The following DIAPH2 variants were observed in gnomAD, a reference collection of about 807,000 sequenced individuals.
The protein encoded by DIAPH2 is diaphanous related formin 2, also known as protein diaphanous homolog 2.
Under a neutral mutation model 92.7 loss-of-function variants are expected in DIAPH2, and 35 were observed. That is an observed-to-expected ratio of 0.38 (90% CI 0.29 to 0.50). The LOEUF (loss-of-function observed/expected upper bound fraction) is 0.50, where lower values mean the gene tolerates loss of function less well. Ranked by LOEUF, DIAPH2 falls within the 20% of genes least tolerant of loss-of-function variation. DIAPH2 has a pLI of 0.94. For synonymous variants in DIAPH2, 301 were observed against 280.4 expected (o/e 1.07, Z -0.73); for missense variants, 701 against 819.5 (o/e 0.86, Z 1.77).
chrX:96,891,521 A>C (rs1207632472), intron 5 of DIAPH2, among the ~76,000 whole-genome samples: 1 of 112,024 alleles, frequency 8.9e-6, no homozygotes, highest in Non-Finnish European at 1.9e-5. Context: ...AGAAATGACC[A>C]ATGAGTTTGG....
chrX:97,084,107 GT>G (rs35633077), intron 19 of DIAPH2, among the ~76,000 whole-genome samples: 1 of 106,950 alleles, frequency 9.4e-6, no homozygotes, highest in Non-Finnish European at 1.9e-5. Context: ...TTTTTGTTTT[GT>G]TTTTTTTAAA....
chrX:97,293,489 A>G (rs766854382), intron 23 of DIAPH2, among the ~76,000 whole-genome samples: 38 of 109,807 alleles, frequency 3.5e-4, no homozygotes, highest in South Asian at 7.7e-4. Context: ...CTGACCTCGT[A>G]ATCTGCCCAC....
At chrX:97,032,714 A>T (rs1243753019) in intron 17 of DIAPH2, among the ~76,000 whole-genome samples, 1 of 111,706 alleles carries the variant, frequency 9.0e-6, no homozygotes, top group African/African-American at 3.2e-5. Flanking sequence ...CAAAGAGATT[A>T]TCTCAATTAC....
At chrX:96,858,128 A>G (rs1349438455) in intron 4 of DIAPH2, among the ~76,000 whole-genome samples, 5 of 112,286 alleles carry the variant, frequency 4.5e-5, no homozygotes, top group African/African-American at 6.5e-5. Flanking sequence ...TTAATAATAT[A>G]TTACATATAT....
chrX:97,341,679 T>C (rs2069114812), intron 23 of DIAPH2, among the ~76,000 whole-genome samples: 1 of 110,529 alleles, frequency 9.0e-6, no homozygotes, highest in African/African-American at 3.3e-5. Context: ...CCAGTCCCAG[T>C]CCCTTGGCCC....
chrX:97,304,880 A>G (rs920192803), intron 23 of DIAPH2, among the ~76,000 whole-genome samples: 1 of 112,048 alleles, frequency 8.9e-6, no homozygotes, highest in Non-Finnish European at 1.9e-5. Flanking sequence ...TTGTTTCAAT[A>G]TAAGAAAGGA....
At chrX:97,171,193 C>T (rs971242357) in intron 22 of DIAPH2, among the ~76,000 whole-genome samples, 5 of 112,121 alleles carry the variant, frequency 4.5e-5, no homozygotes, top group Admixed American at 9.5e-5. Flanking sequence ...GATTTTCTCA[C>T]GTAAGAATGT....
intron 19 of DIAPH2, among the ~76,000 whole-genome samples, chrX:97,077,397 G>A (rs1156408060): frequency 8.9e-6 from 1 of 112,363 alleles, no homozygotes; most frequent in Non-Finnish European, 1.9e-5. Flanking sequence ...GTAGCACATC[G>A]ATAATGCATG....
Position 97,442,480 on chromosome X carries a change from T to C in DIAPH2, c.3241+12735T>C, listed in dbSNP as rs187041536. Among the ~76,000 whole-genome samples, 5 of 112,762 alleles carry C rather than the reference T, an allele frequency of 4.4e-5. No homozygotes were observed. The Admixed American group carries it at 4.7e-4, about 11-fold the overall frequency. The stretch of plus-strand genomic sequence containing the variant: ...AAGTACCTTAAAATTTCTAGAAAAT[T>C]AAGTGCTTTTACAACTAAAGGAAAA... On this transcript the variant is annotated intron_variant, in intron 26 of 26. Transcript: ENST00000324765.
At chrX:97,597,820 A>G (rs1293084006) in intron 26 of DIAPH2, among the ~76,000 whole-genome samples, 3 of 111,735 alleles carry the variant, frequency 2.7e-5, no homozygotes, top group Non-Finnish European at 3.8e-5. Flanking sequence ...TTTTAATGGT[A>G]TCTTCAAAAG....
chrX:97,039,297 T>C (rs1183403880), intron 17 of DIAPH2, among the ~76,000 whole-genome samples: 1 of 111,723 alleles, frequency 9.0e-6, no homozygotes, highest in Admixed American at 9.5e-5. Context: ...TATATTTATA[T>C]GTTTATATTA....
At chrX:96,964,070 G>A (rs1394623470) in intron 16 of DIAPH2, among the ~76,000 whole-genome samples, 1 of 110,797 alleles carries the variant, frequency 9.0e-6, no homozygotes, top group African/African-American at 3.3e-5. Context: ...GATTGACACA[G>A]TCCTCATTCA....
chrX:97,435,684 T>C (rs774276231), intron 26 of DIAPH2, among the ~76,000 whole-genome samples: 2 of 111,951 alleles, frequency 1.8e-5, no homozygotes, highest in South Asian at 7.5e-4. Context: ...ACATTTACCA[T>C]CTACTTTGTA....
chrX:96,897,972 A>G (rs1279984854), intron 5 of DIAPH2, among the ~76,000 whole-genome samples: 5 of 81,293 alleles, frequency 6.2e-5, no homozygotes, highest in South Asian at 8.0e-4. Flanking sequence ...GAGAATATGC[A>G]GTGTTTGGTT....
At chrX:96,902,072 T>G (rs2065401304) in intron 5 of DIAPH2, among the ~76,000 whole-genome samples, 3 of 111,976 alleles carry the variant, frequency 2.7e-5, no homozygotes, top group African/African-American at 6.5e-5. Flanking sequence ...CAGACTAATT[T>G]CCATGTATTT....
intron 26 of DIAPH2, among the ~76,000 whole-genome samples, chrX:97,445,606 GT>G (rs756529412): frequency 3.8e-3 from 369 of 97,474 alleles, no homozygotes; most frequent in African/African-American, 0.012. Flanking sequence ...GTTTTTTGTT[GT>G]TTTTTTTTTT....
At chrX:97,304,071 A>G (rs1044164283) in intron 23 of DIAPH2, among the ~76,000 whole-genome samples, 2 of 112,161 alleles carry the variant, frequency 1.8e-5, no homozygotes, top group African/African-American at 6.5e-5. Context: ...TGCATTGGCT[A>G]TAACACCCTG....
At chrX:97,145,282 C>CAGTAGTAATAGT (rs2067237199) in intron 22 of DIAPH2, among the ~76,000 whole-genome samples, 2 of 92,105 alleles carry the variant, frequency 2.2e-5, no homozygotes, top group Non-Finnish European at 4.2e-5. Flanking sequence ...GAACTACTAC[C>CAGTAGTAATAGT]AGTAGTAGTA....
intron 17 of DIAPH2, among the ~76,000 whole-genome samples, chrX:97,065,796 C>A (rs745350030): frequency 9.0e-6 from 1 of 111,249 alleles, no homozygotes; most frequent in African/African-American, 3.3e-5. Flanking sequence ...GAAGACCTTC[C>A]AGTGGGACAA....
Sources: allele counts gnomAD v4.1 joint callset (sites outside exome capture counted in the v4.1 genomes callset), GRCh38; gene constraint gnomAD v4.1.1; transcripts MANE v1.5; gene names NCBI Gene and HGNC (gene_info 2026-07-23, HGNC 2026-07-21).